FSAF1: variants seen among roughly 807,000 people sequenced by gnomAD.
FSAF1 encodes the protein uncharacterized protein C1orf131.
the FSAF1 span, chr1:231,229,149 CT>C: frequency 6.5e-7 from 1 of 1,548,600 alleles, no homozygotes; most frequent in Non-Finnish European, 8.8e-7. Flanking sequence ...AAAGTACATA[CT>C]TTTTCTAGGT....
chr1:231,235,098 G>A, the FSAF1 span, among the ~76,000 whole-genome samples: 1 of 152,222 alleles, frequency 6.6e-6, no homozygotes, highest in Admixed American at 6.5e-5. Flanking sequence ...TGCTCCATCT[G>A]CAAGGTCTGC....
the FSAF1 span, chr1:231,224,236 T>G: frequency 1.3e-6 from 2 of 1,582,646 alleles, no homozygotes; most frequent in East Asian, 4.5e-5. Flanking sequence ...GCCGCTGCAG[T>G]TGACTCAGTT....
At chr1:231,225,248 T>A in the FSAF1 span, 2 of 572,774 alleles carry the variant, frequency 3.5e-6, no homozygotes, top group Non-Finnish European at 6.3e-6. Context: ...TCACTTAGAG[T>A]GTCGGTGAAA....
the FSAF1 span, among the ~76,000 whole-genome samples, chr1:231,231,693 T>A: frequency 6.6e-6 from 1 of 152,120 alleles, no homozygotes; most frequent in African/African-American, 2.4e-5. Context: ...CTTGGCCAAC[T>A]GTATGATAGC....
At chr1:231,226,818 T>A in the FSAF1 span, 2 of 1,606,358 alleles carry the variant, frequency 1.2e-6, no homozygotes, top group South Asian at 2.2e-5. Context: ...ATAACTCTTT[T>A]TAGGAGGCTG....
At chr1:231,225,563 G>A in the FSAF1 span, 1 of 1,554,424 alleles carries the variant, frequency 6.4e-7, no homozygotes, top group Non-Finnish European at 8.9e-7. Flanking sequence ...ATTAGTAGTG[G>A]ATAATGGGAT....
At chr1:231,228,114 G>A in the FSAF1 span, among the ~76,000 whole-genome samples, 1 of 152,106 alleles carries the variant, frequency 6.6e-6, no homozygotes. Flanking sequence ...ATAGATCCAT[G>A]GTTTTAGAAG....
chr1:231,224,477 C>T, the FSAF1 span: 3 of 1,513,618 alleles, frequency 2.0e-6, no homozygotes, highest in Non-Finnish European at 2.7e-6. Flanking sequence ...CATCACAGTA[C>T]CACCAACCAG....
At chr1:231,225,535 A>T in the FSAF1 span, 6 of 1,607,742 alleles carry the variant, frequency 3.7e-6, no homozygotes, top group Non-Finnish European at 5.1e-6. Context: ...TGATTTCAGA[A>T]TTTAAGATCA....
chr1:231,241,107 G>C, the FSAF1 span: 1 of 1,613,756 alleles, frequency 6.2e-7, no homozygotes, highest in Non-Finnish European at 8.5e-7. Flanking sequence ...TTGCTCCTGC[G>C]ACATTGTGGG....
At chr1:231,235,178 C>A in the FSAF1 span, among the ~76,000 whole-genome samples, 1 of 152,152 alleles carries the variant, frequency 6.6e-6, no homozygotes, top group East Asian at 1.9e-4. Context: ...CTATTTCCAG[C>A]CAAATTACTT....
At chr1:231,233,445 C>G in the FSAF1 span, among the ~76,000 whole-genome samples, 8 of 152,294 alleles carry the variant, frequency 5.3e-5, no homozygotes, top group African/African-American at 9.6e-5. Flanking sequence ...ACTGAATATA[C>G]TGAATATTAC....
chr1:231,225,232 C>T, the FSAF1 span: 1 of 552,592 alleles, frequency 1.8e-6, no homozygotes, highest in South Asian at 2.6e-5. Context: ...GCAGCTTTTC[C>T]ACTAGTCACT....
the FSAF1 span, chr1:231,240,904 G>A: frequency 5.8e-6 from 5 of 858,738 alleles, no homozygotes; most frequent in African/African-American, 1.7e-5. The surrounding 1 kb of genome is among the most constrained non-coding windows in gnomAD (Gnocchi z 4.1). Flanking sequence ...TGGGACGAAG[G>A]GTGCTTGACA....
At chr1:231,231,089 T>C in the FSAF1 span, among the ~76,000 whole-genome samples, 2 of 152,200 alleles carry the variant, frequency 1.3e-5, no homozygotes, top group African/African-American at 2.4e-5. Context: ...ACAGACGCAC[T>C]TTCCATTTAC....
chr1:231,231,382 C>T, the FSAF1 span, among the ~76,000 whole-genome samples: 5 of 152,176 alleles, frequency 3.3e-5, no homozygotes, highest in Non-Finnish European at 2.9e-5. Flanking sequence ...GTATACCGTT[C>T]CCAGATCTCC....
At chr1:231,239,112 T>C in the FSAF1 span, 1 of 1,613,328 alleles carries the variant, frequency 6.2e-7, no homozygotes, top group South Asian at 1.1e-5. Context: ...CCAAGGCCGC[T>C]GAAGCCATCA....
the FSAF1 span, among the ~76,000 whole-genome samples, chr1:231,233,575 C>T: frequency 6.6e-6 from 1 of 151,662 alleles, no homozygotes; most frequent in Non-Finnish European, 1.5e-5. Context: ...TTTTTTGAGA[C>T]GGAGTCTTGC....
At chr1:231,224,989 C>G in the FSAF1 span, 1 of 167,900 alleles carries the variant, frequency 6.0e-6, no homozygotes, top group Admixed American at 5.7e-5. Context: ...GCACTAGGAG[C>G]CCAAGAAAAC....
Sources: gnomAD v4.1 joint callset for allele counts (sites outside exome capture counted in the v4.1 genomes callset) on GRCh38, gnomAD v4.1.1 for gene constraint, Gnocchi (gnomAD v3.1) non-coding constraint, MANE v1.5 for transcripts, NCBI Gene and HGNC (gene_info 2026-07-23, HGNC 2026-07-21) for gene names.